FLYWCH1: variants seen among roughly 807,000 people sequenced by gnomAD.
The protein encoded by FLYWCH1 is FLYWCH-type zinc finger 1, also known as FLYWCH-type zinc finger-containing protein 1.
Under a neutral mutation model 66.4 loss-of-function variants are expected in FLYWCH1, and 75 were observed. The ratio of observed to expected loss-of-function variants is 1.13; its 90% CI spans 0.94 to 1.37. FLYWCH1 has a LOEUF of 1.37. Ranked by LOEUF, FLYWCH1 falls within the 40% of genes most tolerant of loss-of-function variation. The probability of loss-of-function intolerance (pLI) is 0.00; values close to 1 mark genes in which losing one functional copy is unlikely to be tolerated. For synonymous variants in FLYWCH1, 595 were observed against 429.9 expected (o/e 1.38, Z -4.75); for missense variants, 1,334 against 1,001.8 (o/e 1.33, Z -4.48).
At position 2,948,712 on chromosome 16, in the gene FLYWCH1, T is replaced by C. The variant is rs745359857; in HGVS notation, c.2136T>C (p.Asp712=). The C allele has an allele frequency of 1.2e-6, 2 of 1,613,948 alleles. No homozygotes were observed. The highest frequency in any genetic ancestry group is 2.2e-5 in the East Asian group (1 of 44,888). Residue 712 remains aspartate (D), a synonymous_variant, in exon 10 of 10, where the codon GAT becomes GAC. Transcript: ENST00000253928. ...GGGACATCAAAGACGTCAGACTGGA[T>C]GGCGAGTCCCAGTGAGGCGATGTGG... ...IYGDIKDVRL[D]GESQ
At chr16:2,913,225 C>T (rs2070051452) in intron 1 of FLYWCH1, 3 of 152,176 alleles carry the variant, frequency 2.0e-5, no homozygotes, top group Non-Finnish European at 4.4e-5. Context: ...CGTTCAGAGG[C>T]TTTGGCTTGG....
intron 1 of FLYWCH1, among the ~76,000 whole-genome samples, chr16:2,913,532 G>C (rs1454526867): frequency 6.6e-6 from 1 of 152,170 alleles, no homozygotes; most frequent in Non-Finnish European, 1.5e-5. Flanking sequence ...CACAACGTGT[G>C]GTAGGGCATG....
At chr16:2,945,084 T>C (rs2071423892) in intron 9 of FLYWCH1, among the ~76,000 whole-genome samples, 2 of 150,084 alleles carry the variant, frequency 1.3e-5, no homozygotes, top group Non-Finnish European at 3.0e-5. Context: ...GCATGGTGGC[T>C]CACACCTGTA....
chr16:2,946,984 C>A (rs2071512845), intron 9 of FLYWCH1, among the ~76,000 whole-genome samples: 1 of 152,124 alleles, frequency 6.6e-6, no homozygotes, highest in Admixed American at 6.5e-5. Context: ...CCCAGCAATT[C>A]CACTCCTAGG....
chr16:2,924,255 G>A (rs551005585), intron 2 of FLYWCH1, among the ~76,000 whole-genome samples: 3 of 151,872 alleles, frequency 2.0e-5, no homozygotes, highest in Non-Finnish European at 4.4e-5. Context: ...GCGTGAACCC[G>A]GGAGGCGGAG....
intron 2 of FLYWCH1, among the ~76,000 whole-genome samples, chr16:2,916,396 G>A (rs562728783): frequency 1.3e-5 from 2 of 151,908 alleles, no homozygotes; most frequent in Non-Finnish European, 2.9e-5. Context: ...AGCACTTTGG[G>A]AAGCTGAGGC....
At chr16:2,920,511 TA>T (rs34684083) in intron 2 of FLYWCH1, among the ~76,000 whole-genome samples, 52,766 of 141,446 alleles carry the variant, frequency 0.37, 9,268 homozygotes, top group South Asian at 0.44. Flanking sequence ...GACTCTGTCT[TA>T]AAAAAAAAAA....
At chr16:2,923,042 T>G (rs933998411) in intron 2 of FLYWCH1, 78 of 437,106 alleles carry the variant, frequency 1.8e-4, no homozygotes, top group East Asian at 5.2e-4. Context: ...GGATCTTTTT[T>G]TGTGTGTGTG....
At chr16:2,932,613 G>T (rs903684501) in intron 4 of FLYWCH1, among the ~76,000 whole-genome samples, 17 of 152,198 alleles carry the variant, frequency 1.1e-4, no homozygotes, top group Non-Finnish European at 2.1e-4. Context: ...GAAGGGAGGT[G>T]CAGGGAACAG....
rs781555162 is a variant in FLYWCH1 at position 2,930,612 on chromosome 16, C to T, written c.528C>T (p.Pro176=). Residue 176 remains proline, a synonymous_variant, in exon 4 of 10, where the codon CCC becomes CCT. Transcript: ENST00000253928. The part of the protein sequence containing the change: ...ATVMRGHCHA[P]DEQGLEARRQ... ...TGATGCGGGGCCACTGCCACGCGCC[C>T]GATGAGCAAGGCCTGGAGGCCCGGC... 69 of 1,551,540 alleles carry T rather than the reference C, an allele frequency of 4.4e-5. No individual in the cohort carries two copies. The East Asian group carries it at 6.6e-4, about 15-fold the overall frequency.
intron 2 of FLYWCH1, among the ~76,000 whole-genome samples, chr16:2,927,789 A>G (rs1006193215): frequency 6.6e-6 from 1 of 152,184 alleles, no homozygotes; most frequent in Non-Finnish European, 1.5e-5. Flanking sequence ...TCAGGTGGAG[A>G]TGAGACTGAT....
chr16:2,944,124 C>T (rs1302908093), intron 9 of FLYWCH1, among the ~76,000 whole-genome samples: 1 of 152,014 alleles, frequency 6.6e-6, no homozygotes, highest in African/African-American at 2.4e-5. Flanking sequence ...CGACAGCTCC[C>T]ACCTGTCATC....
intron 6 of FLYWCH1, 70 bp downstream of exon 6, chr16:2,934,049 C>G: frequency 7.0e-7 from 1 of 1,431,316 alleles, no homozygotes; most frequent in Non-Finnish European, 9.2e-7. Flanking sequence ...TTTCCCTCTC[C>G]ATGCTGCGGC....
chr16:2,938,078 G>T (rs2071092225), intron 7 of FLYWCH1, 106 bp from the exon 8 acceptor site: 12 of 1,125,792 alleles, frequency 1.1e-5, no homozygotes, highest in Non-Finnish European at 1.4e-5. Context: ...GCGTGCTAGG[G>T]GATCGCAGAT....
In FLYWCH1 at chr16:2,930,084, G is replaced by A. The variant is rs534057517; in HGVS notation, c.325+74G>A. The A allele has an allele frequency of 9.2e-6, 12 of 1,304,356 alleles. 1 individual carries two copies. The Middle Eastern group carries it at 1.0e-3, about 111-fold the overall frequency. The allele number at this position is 1,304,356 out of a possible 1,614,324, so 80.8% of individuals were successfully genotyped here. Reference sequence around the variant, plus strand: ...GCTCCCAGCAGGCCCTGTACACCCTGCTTCAAGCATAGTGTCTTGTCCTTG... The same window carrying A: ...GCTCCCAGCAGGCCCTGTACACCCTACTTCAAGCATAGTGTCTTGTCCTTG... On this transcript the variant is annotated intron_variant, in intron 3 of 9. Coordinates refer to ENST00000253928, the MANE Select transcript of FLYWCH1 (RefSeq NM_001308068.2).
In FLYWCH1 at chr16:2,918,025, G is replaced by T. The variant is rs191840011; in HGVS notation, c.-74+3736G>T. Among the ~76,000 whole-genome samples, 355 of 151,728 alleles carry T rather than the reference G, an allele frequency of 2.3e-3. 2 individuals carry two copies. The highest frequency in any genetic ancestry group is 8.0e-3 in the African/African-American group (329 of 41,322). On this transcript the variant is annotated intron_variant, in intron 2 of 9. Transcript: ENST00000253928. ...GGTAATTTTTGTATTTTTTGGAAGA[G>T]ATGGGGTTTTGCCATGTTGGCCGGG...
chr16:2,937,467 G>C (rs1478610260), intron 7 of FLYWCH1, 83 bp downstream of exon 7: 2 of 1,415,294 alleles, frequency 1.4e-6, no homozygotes, highest in Admixed American at 2.7e-5. Context: ...TGCCCGTGGG[G>C]TGTTGTGTGT....
At chr16:2,934,735 C>T (rs890529779) in intron 6 of FLYWCH1, 15 of 452,546 alleles carry the variant, frequency 3.3e-5, no homozygotes, top group African/African-American at 1.8e-4. Context: ...TCTTTTTGTT[C>T]CATCTCCAGA....
intron 9 of FLYWCH1, among the ~76,000 whole-genome samples, chr16:2,946,286 A>G (rs866495511): frequency 4.0e-4 from 59 of 148,010 alleles, no homozygotes; most frequent in South Asian, 1.3e-3. Context: ...AGCTCCATTC[A>G]TAATTCATGC....
Sources: allele counts gnomAD v4.1 joint callset (sites outside exome capture counted in the v4.1 genomes callset), GRCh38; gene constraint gnomAD v4.1.1; transcripts MANE v1.5; gene names NCBI Gene and HGNC (gene_info 2026-07-23, HGNC 2026-07-21).